The following DAB1 variants were observed in gnomAD, a reference collection of about 807,000 sequenced individuals.
The protein encoded by DAB1 is disabled homolog 1.
A neutral mutation model predicts 64.6 loss-of-function variants in DAB1; 15 were observed. The observed-to-expected ratio is 0.23, with a 90% CI of 0.16 to 0.36. The LOEUF (loss-of-function observed/expected upper bound fraction) is 0.36, where lower values mean the gene tolerates loss of function less well. Ranked by LOEUF, DAB1 falls within the 10% of genes least tolerant of loss-of-function variation. The pLI is 1.00. For missense variants in DAB1, 596 were observed against 706.7 expected (o/e 0.84, Z 1.78); for synonymous variants, 235 against 251.9 (o/e 0.93, Z 0.64).
intron 6 of DAB1, among the ~76,000 whole-genome samples, chr1:57,705,810 A>G (rs544791544): frequency 4.6e-4 from 70 of 151,784 alleles, no homozygotes; most frequent in Non-Finnish European, 9.1e-4. Context: ...TCCCATTTAC[A>G]ATAATGTTTA....
chr1:58,386,624 A>G (rs568684997), intron 3 of DAB1, among the ~76,000 whole-genome samples: 49 of 152,316 alleles, frequency 3.2e-4, no homozygotes, highest in African/African-American at 1.2e-3. Context: ...GACTTTCAGC[A>G]AGTCATTTAA....
intron 4 of DAB1, among the ~76,000 whole-genome samples, chr1:58,166,403 GA>G (rs1389308734): frequency 6.6e-6 from 1 of 152,150 alleles, no homozygotes; most frequent in Non-Finnish European, 1.5e-5. Flanking sequence ...GTTACAAATA[GA>G]ATTGTATGTG....
chr1:57,549,133 T>C (rs913215058), intron 7 of DAB1, among the ~76,000 whole-genome samples: 1 of 152,154 alleles, frequency 6.6e-6, no homozygotes, highest in African/African-American at 2.4e-5. Flanking sequence ...GTGGATATTG[T>C]AGAGAACATC....
chr1:57,698,692 T>C (rs1646874262), intron 6 of DAB1, among the ~76,000 whole-genome samples: 1 of 152,158 alleles, frequency 6.6e-6, no homozygotes, highest in African/African-American at 2.4e-5. Context: ...TGAATAAACA[T>C]GTTCATCAGC....
At chr1:57,242,535 A>G (rs1023940970) in intron 2 of DAB1, among the ~76,000 whole-genome samples, 1 of 152,172 alleles carries the variant, frequency 6.6e-6, no homozygotes, top group Non-Finnish European at 1.5e-5. Flanking sequence ...TCAAGGTAAA[A>G]GCAGAAATAC....
intron 4 of DAB1, among the ~76,000 whole-genome samples, chr1:57,096,280 CTT>C (rs939863591): frequency 6.6e-6 from 1 of 152,146 alleles, no homozygotes; most frequent in Non-Finnish European, 1.5e-5. Context: ...TTTTCAACCT[CTT>C]TGCTTAAAAG....
chr1:57,654,697 T>C (rs1646295809), intron 6 of DAB1, among the ~76,000 whole-genome samples: 1 of 141,270 alleles, frequency 7.1e-6, no homozygotes, highest in East Asian at 1.9e-4. Flanking sequence ...AATTTTGCTC[T>C]TTTTAAATAA....
At chr1:58,301,487 T>C (rs1662167974) in intron 4 of DAB1, among the ~76,000 whole-genome samples, 1 of 148,246 alleles carries the variant, frequency 6.7e-6, no homozygotes, top group Non-Finnish European at 1.5e-5. Context: ...GTGAGATTAT[T>C]TTGCGAATTT....
intron 4 of DAB1, among the ~76,000 whole-genome samples, chr1:58,207,192 C>A (rs1658325196): frequency 6.6e-6 from 1 of 152,200 alleles, no homozygotes; most frequent in Non-Finnish European, 1.5e-5. Context: ...CCAGTTAACT[C>A]ACACTGTAAT....
intron 3 of DAB1, among the ~76,000 whole-genome samples, chr1:58,344,800 G>T (rs947407): frequency 0.2 from 30,119 of 152,138 alleles, 3,341 homozygotes; most frequent in African/African-American, 0.3. Flanking sequence ...TGCCTAGCTT[G>T]CAGGATTGCT....
At chr1:57,141,907 C>T (rs1021225464) in intron 3 of DAB1, among the ~76,000 whole-genome samples, 4 of 152,138 alleles carry the variant, frequency 2.6e-5, no homozygotes, top group Admixed American at 2.6e-4. Flanking sequence ...TTGTCGAACA[C>T]AGGCCCTCTT....
chr1:58,386,106 T>A (rs1195714007), intron 3 of DAB1, among the ~76,000 whole-genome samples: 1 of 152,188 alleles, frequency 6.6e-6, no homozygotes, highest in African/African-American at 2.4e-5. Context: ...AGAAGTTCTT[T>A]CTCAGGTGCA....
chr1:57,185,905 C>T (rs1248530705), intron 2 of DAB1, among the ~76,000 whole-genome samples: 7 of 152,102 alleles, frequency 4.6e-5, no homozygotes, highest in Non-Finnish European at 1.0e-4. Flanking sequence ...GTACGAGATT[C>T]CAGAAGCAGA....
intron 4 of DAB1, among the ~76,000 whole-genome samples, chr1:58,315,238 T>C (rs79492756): frequency 6.6e-6 from 1 of 152,178 alleles, no homozygotes; most frequent in Admixed American, 6.5e-5. Flanking sequence ...GAGCTGACAA[T>C]GGTATGAAGC....
chr1:57,085,629 T>C (rs567013195), intron 4 of DAB1, among the ~76,000 whole-genome samples: 2 of 152,294 alleles, frequency 1.3e-5, no homozygotes, highest in South Asian at 2.1e-4. Context: ...AACCATTCCT[T>C]TTCTTCCTAA....
At chr1:57,845,338 C>A (rs1031635715) in intron 1 of DAB1, among the ~76,000 whole-genome samples, 17 of 151,996 alleles carry the variant, frequency 1.1e-4, no homozygotes, top group African/African-American at 4.1e-4. Context: ...GATAGAGAGA[C>A]AGGAGGGAGG....
At chr1:57,771,274 A>C (rs17116283) in intron 6 of DAB1, among the ~76,000 whole-genome samples, 2 of 152,164 alleles carry the variant, frequency 1.3e-5, no homozygotes, top group Admixed American at 1.3e-4. Flanking sequence ...TTTGTAATTC[A>C]TAAAAGCTAC....
intron 5 of DAB1, among the ~76,000 whole-genome samples, chr1:58,032,937 G>C (rs1205102239): frequency 6.6e-6 from 1 of 152,128 alleles, no homozygotes; most frequent in South Asian, 2.1e-4. Flanking sequence ...TCTTTCTCCT[G>C]TTTCAGGTCA....
rs146576312 is a variant in DAB1 at position 57,312,617 on chromosome 1, T to C, written c.-136-21451A>G. Among the ~76,000 whole-genome samples the C allele has an allele frequency of 1.3e-3, 201 of 152,220 alleles. 4 individuals carry two copies. The East Asian group carries it at 0.025, about 19-fold the overall frequency. On this transcript the variant is annotated intron_variant, in intron 1 of 14. Coordinates refer to ENST00000371236, the MANE Select transcript of DAB1 (RefSeq NM_001365792.1). ...AGGGCCCAGGCTAATGCATCCAGGA[T>C]CTGATTTAGTTGTTGTGATACCCGG... is the stretch of plus-strand genomic sequence containing the variant.
Sources: gnomAD v4.1 joint callset for allele counts (sites outside exome capture counted in the v4.1 genomes callset) on GRCh38, gnomAD v4.1.1 for gene constraint, MANE v1.5 for transcripts, NCBI Gene and HGNC (gene_info 2026-07-23, HGNC 2026-07-21) for gene names.